AMOTL1: variants seen among roughly 807,000 people sequenced by gnomAD.
AMOTL1 encodes the protein angiomotin-like protein 1.
Under a neutral mutation model 102.9 loss-of-function variants are expected in AMOTL1, and 45 were observed. The observed-to-expected ratio is 0.44, with a 90% CI of 0.34 to 0.56. The LOEUF (loss-of-function observed/expected upper bound fraction) is 0.56. Ranked by LOEUF, AMOTL1 falls within the 20% of genes least tolerant of loss-of-function variation. AMOTL1 has a pLI of 0.01. For synonymous variants in AMOTL1, 481 were observed against 484.7 expected, an observed-to-expected ratio of 0.99 and a Z score of 0.10; for missense variants, 1,114 against 1,225.6, an observed-to-expected ratio of 0.91 and a Z score of 1.36.
chr11:94,870,600 G>C lies in AMOTL1; in HGVS notation c.2765-89G>C, dbSNP rs114335178. On this transcript the variant is annotated intron_variant, in intron 12 of 12. Transcript: ENST00000433060. The stretch of plus-strand genomic sequence containing the variant: ...TGGTGAGAATCCTGGGTGTGCAGTG[G>C]TATCGGACGTGGGTCCATTTTAGAG... The C allele has an allele frequency of 5.6e-4, 498 of 896,722 alleles. 2 individuals are homozygous for C. In the African/African-American group the frequency reaches 7.9e-3, roughly 14 times the overall value. 55.5% of individuals were successfully genotyped at this position (896,722 alleles called of 1,614,324 possible).
intron 11 of AMOTL1, among the ~76,000 whole-genome samples, chr11:94,868,088 A>G (rs1331106647): frequency 6.6e-6 from 1 of 152,202 alleles, no homozygotes; most frequent in Non-Finnish European, 1.5e-5. Context: ...CTTCTTAGAA[A>G]TACAGAATCC....
At position 94,869,217 on chromosome 11, in the gene AMOTL1, G is replaced by A. The variant is rs780310470; in HGVS notation, c.2508G>A (p.Glu836=). 4 of 1,598,150 alleles carry A rather than the reference G, an allele frequency of 2.5e-6. No individual in the cohort carries two copies. The highest frequency in any genetic ancestry group is 3.4e-6 in the Non-Finnish European group (4 of 1,167,936). ...KGSIGLLLGK[E]HHEHASAPLL... ...CCTCAGGATTGCTGCTGGGGAAGGAGCACCATGAGCATGCCTCTGCCCCAC... is the reference window on the plus strand; with the variant it reads ...CCTCAGGATTGCTGCTGGGGAAGGAACACCATGAGCATGCCTCTGCCCCAC... The change falls in exon 12 of 13, where the codon GAG becomes GAA. Residue 836 remains glutamate, a synonymous_variant. Transcript: ENST00000433060.
intron 3 of AMOTL1, among the ~76,000 whole-genome samples, chr11:94,809,033 C>G (rs772771792): frequency 8.6e-5 from 12 of 138,900 alleles, no homozygotes; most frequent in Non-Finnish European, 1.4e-4. Flanking sequence ...TGCAGTGGCT[C>G]GATCTCAGCT....
chr11:94,809,959 T>A (rs915912997), intron 3 of AMOTL1, among the ~76,000 whole-genome samples: 5 of 152,202 alleles, frequency 3.3e-5, no homozygotes, highest in African/African-American at 1.2e-4. Flanking sequence ...CACAAATACA[T>A]AGATATACTA....
intron 8 of AMOTL1, among the ~76,000 whole-genome samples, chr11:94,858,767 T>C (rs950631230): frequency 1.1e-4 from 17 of 152,192 alleles, no homozygotes; most frequent in African/African-American, 4.1e-4. Flanking sequence ...CGCCATCTTC[T>C]TCTGTGTCAT....
At chr11:94,763,061 G>C (rs564089294) in intron 3 of AMOTL1, among the ~76,000 whole-genome samples, 6 of 152,166 alleles carry the variant, frequency 3.9e-5, no homozygotes, top group Non-Finnish European at 5.9e-5. Flanking sequence ...GCTTCAAATG[G>C]AGCAGGGTGT....
chr11:94,773,889 A>G (rs1950987975), intron 1 of AMOTL1, among the ~76,000 whole-genome samples: 1 of 152,212 alleles, frequency 6.6e-6, no homozygotes, highest in Non-Finnish European at 1.5e-5. Flanking sequence ...GTTAAAATGA[A>G]AAAGGAGAGG....
At chr11:94,761,256 T>A (rs1950789181) in intron 3 of AMOTL1, among the ~76,000 whole-genome samples, 1 of 151,478 alleles carries the variant, frequency 6.6e-6, no homozygotes. Context: ...TGGCGTGATC[T>A]CGGCTCACTG....
intron 3 of AMOTL1, among the ~76,000 whole-genome samples, chr11:94,752,497 C>T (rs2135491157): frequency 6.6e-6 from 1 of 152,244 alleles, no homozygotes; most frequent in Non-Finnish European, 1.5e-5. Context: ...CTTACAGGAC[C>T]CCTGCTTATG....
At chr11:94,795,249 T>C in intron 2 of AMOTL1, 89 bp downstream of exon 2, 48 of 1,460,526 alleles carry the variant, frequency 3.3e-5, no homozygotes, top group Non-Finnish European at 4.5e-5. Flanking sequence ...CAGATGTTTA[T>C]TCTCTAATCT....
At chr11:94,835,503 A>G (rs894692178) in intron 6 of AMOTL1, among the ~76,000 whole-genome samples, 8 of 152,268 alleles carry the variant, frequency 5.3e-5, no homozygotes, top group Middle Eastern at 3.2e-3. Flanking sequence ...GCTCTAGGCC[A>G]GAAAGCCAAA....
intron 7 of AMOTL1, among the ~76,000 whole-genome samples, chr11:94,853,272 C>A (rs1952584879): frequency 6.6e-6 from 1 of 152,134 alleles, no homozygotes; most frequent in Admixed American, 6.6e-5. Flanking sequence ...CATGTATTAG[C>A]TATTTGTCCT....
chr11:94,744,945 A>C (rs773232090), intron 3 of AMOTL1, among the ~76,000 whole-genome samples: 26 of 152,178 alleles, frequency 1.7e-4, no homozygotes, highest in Non-Finnish European at 3.1e-4. Flanking sequence ...GGTTTTTTAA[A>C]TTTTTAAATC....
At chr11:94,719,845 G>C (rs1950150466) in intron 1 of AMOTL1, among the ~76,000 whole-genome samples, 1 of 152,118 alleles carries the variant, frequency 6.6e-6, no homozygotes, top group Non-Finnish European at 1.5e-5. Context: ...GTATCACACA[G>C]TATTTCTCAA....
Position 94,724,380 on chromosome 11 carries a change from G to A in AMOTL1, c.-50-4541G>A, listed in dbSNP as rs535045045. ...TTAATATTTTGTTGAGACTCTGAAA[G>A]TGAATTGTTTCACAGAAGCGTTAAA... is the stretch of plus-strand genomic sequence containing the variant. On this transcript the variant is annotated intron_variant, in intron 1 of 4. Coordinates refer to the AMOTL1 transcript ENST00000299004. Among the ~76,000 whole-genome samples the A allele has an allele frequency of 2.0e-5, 3 of 152,290 alleles. No homozygotes were observed. The South Asian group carries it at 6.2e-4, about 32-fold the overall frequency.
chr11:94,799,922 G>T lies in AMOTL1; in HGVS notation c.732G>T (p.Ala244=), dbSNP rs374984236. ...TGAACCGTGCCAACAGTGGACAGGC[G>T]CATAAGGACGAGGCGCTGAAGGAAC... ...PTVNRANSGQ[A]HKDEALKELK... is the part of the protein sequence containing the mutation. Residue 244 remains alanine, a synonymous_variant, in exon 3 of 13, where the codon GCG becomes GCT. Transcript: ENST00000433060. This position sits in a 1 kb window ranked among gnomAD's most constrained non-coding sequence, Gnocchi z 4.5. The T allele has an allele frequency of 6.2e-7, 1 of 1,611,366 alleles. No individual in the cohort carries two copies. Among genetic ancestry groups the T allele is most frequent in the Non-Finnish European group, 8.5e-7 (1 of 1,178,606 alleles).
intron 1 of AMOTL1, among the ~76,000 whole-genome samples, chr11:94,787,524 C>G (rs1951210410): frequency 1.3e-5 from 2 of 151,422 alleles, no homozygotes; most frequent in Non-Finnish European, 2.9e-5. Flanking sequence ...CCCGTCTTTA[C>G]TAAAAATACA....
chr11:94,813,194 C>G (rs1168071793), intron 3 of AMOTL1, among the ~76,000 whole-genome samples: 1 of 152,198 alleles, frequency 6.6e-6, no homozygotes, highest in Non-Finnish European at 1.5e-5. Context: ...AGCTGAATGT[C>G]AAACTCTAGA....
At chr11:94,768,750 G>A (rs1305408430) in intron 1 of AMOTL1, among the ~76,000 whole-genome samples, 190 bp downstream of exon 1, 3 of 152,032 alleles carry the variant, frequency 2.0e-5, no homozygotes, top group Non-Finnish European at 4.4e-5. Context: ...AGTTGCCTGC[G>A]GGCCGGGCCT....
Sources: allele counts gnomAD v4.1 joint callset (sites outside exome capture counted in the v4.1 genomes callset), GRCh38; gene constraint gnomAD v4.1.1; non-coding constraint Gnocchi (gnomAD v3.1); transcripts MANE v1.5; gene names NCBI Gene and HGNC (gene_info 2026-07-23, HGNC 2026-07-21).